Variants in MCPH1 observed in about 807,000 individuals in gnomAD.
MCPH1 encodes microcephalin 1.
In MCPH1, 104 loss-of-function variants were observed where a neutral mutation model predicts 84.5. The ratio of observed to expected loss-of-function variants is 1.23; its 90% CI spans 1.05 to 1.45. The LOEUF (loss-of-function observed/expected upper bound fraction) is 1.45. Among genes scored for constraint, MCPH1 ranks in the 40% most tolerant of loss-of-function variants. MCPH1 has a pLI of 0.00. For missense variants in MCPH1, 1,498 were observed against 1,005.7 expected, an observed-to-expected ratio of 1.49 and a Z score of -6.62; for synonymous variants, 514 against 366.8, an observed-to-expected ratio of 1.40 and a Z score of -4.58.
intron 3 of MCPH1, among the ~76,000 whole-genome samples, chr8:6,426,710 G>T (rs1372482995): frequency 6.6e-6 from 1 of 152,110 alleles, no homozygotes; most frequent in African/African-American, 2.4e-5. Flanking sequence ...GGTGGTTATG[G>T]CACTGTATAT....
At chr8:6,416,823 A>G (rs559368363) in intron 3 of MCPH1, among the ~76,000 whole-genome samples, 1 of 151,854 alleles carries the variant, frequency 6.6e-6, no homozygotes, top group Non-Finnish European at 1.5e-5. Context: ...GTAAAACCCT[A>G]TCTCTATTAA....
intron 12 of MCPH1, chr8:6,508,845 C>T: frequency 6.4e-7 from 1 of 1,552,052 alleles, no homozygotes; most frequent in Non-Finnish European, 8.9e-7. Flanking sequence ...CGTTACAAAT[C>T]ACAATTTGTA....
chr8:6,479,780 T>G (rs1808954981), intron 10 of MCPH1, among the ~76,000 whole-genome samples: 1 of 152,136 alleles, frequency 6.6e-6, no homozygotes, highest in African/African-American at 2.4e-5. Context: ...GAGGGTTGTT[T>G]GGTAAGGAAG....
intron 9 of MCPH1, among the ~76,000 whole-genome samples, chr8:6,456,671 A>G (rs1226190539): frequency 1.4e-4 from 18 of 126,328 alleles, no homozygotes; most frequent in African/African-American, 6.1e-4. Context: ...TTTTTTTTTT[A>G]AGTGCTCAGT....
chr8:6,602,456 G>T (rs1277068476), intron 12 of MCPH1, among the ~76,000 whole-genome samples: 1 of 152,168 alleles, frequency 6.6e-6, no homozygotes, highest in Non-Finnish European at 1.5e-5. Context: ...GGGAAAGCCA[G>T]ACCCCAGCCT....
chr8:6,491,152 A>G (rs1810522532), intron 11 of MCPH1, among the ~76,000 whole-genome samples: 1 of 151,564 alleles, frequency 6.6e-6, no homozygotes, highest in South Asian at 2.1e-4. Context: ...ATAGTGTCAT[A>G]CATTTCTTAA....
chr8:6,496,140 G>C (rs1465331355), intron 11 of MCPH1, among the ~76,000 whole-genome samples: 1 of 152,142 alleles, frequency 6.6e-6, no homozygotes, highest in East Asian at 1.9e-4. Context: ...ATCAGTGGGA[G>C]CCCTGAGCTT....
chr8:6,541,816 C>T (rs2129573980), intron 12 of MCPH1, among the ~76,000 whole-genome samples: 1 of 152,152 alleles, frequency 6.6e-6, no homozygotes, highest in South Asian at 2.1e-4. Context: ...CCAGCCTAGG[C>T]AACATGGCGA....
intron 12 of MCPH1, chr8:6,519,769 G>T (rs1024974015): frequency 6.8e-6 from 10 of 1,476,464 alleles, no homozygotes; most frequent in Admixed American, 3.7e-5. Flanking sequence ...GGCTGGGGAA[G>T]ATCTTTGGGG....
chr8:6,439,146 T>TA (rs764741659), intron 6 of MCPH1, 50 bp downstream of exon 6: 6 of 1,561,850 alleles, frequency 3.8e-6, no homozygotes, highest in Non-Finnish European at 5.3e-6. Flanking sequence ...CCGATTCAAT[T>TA]ATGGTGGAAA....
chr8:6,417,439 C>T (rs967436336), intron 3 of MCPH1, among the ~76,000 whole-genome samples: 2 of 152,284 alleles, frequency 1.3e-5, no homozygotes, highest in African/African-American at 4.8e-5. Flanking sequence ...CAGGTAGTTT[C>T]CCAATCCTTT....
At chr8:6,634,449 C>T (rs1001292277) in intron 13 of MCPH1, among the ~76,000 whole-genome samples, 5 of 152,146 alleles carry the variant, frequency 3.3e-5, no homozygotes, top group Admixed American at 1.3e-4. Context: ...CTACAGCTGA[C>T]GGGACAGCCC....
At position 6,627,467 on chromosome 8, in the gene MCPH1, A is replaced by G. The variant is rs531615489; in HGVS notation, c.2452+5776A>G. ...TTTGTGGAATTCAAAGACACAATTC[A>G]GACAATATGAAGAATTATTTTTCCT... is the stretch of plus-strand genomic sequence containing the variant. On this transcript the variant is annotated intron_variant, in intron 13 of 13. Transcript: ENST00000344683. Among the ~76,000 whole-genome samples, 150 of 152,374 alleles carry G rather than the reference A, an allele frequency of 9.8e-4. 1 individual carries two copies. The highest frequency in any genetic ancestry group is 2.0e-3 in the Admixed American group (30 of 15,310).
Position 6,442,113 on chromosome 8 carries a change from G to A in MCPH1, c.627G>A (p.Leu209=), listed in dbSNP as rs375026958. The A allele has an allele frequency of 1.2e-5, 20 of 1,613,562 alleles. No homozygotes were observed. In the African/African-American group the frequency reaches 2.1e-4, roughly 17 times the overall value. The change falls in exon 7 of 14, where the codon CTG becomes CTA. Residue 209 remains leucine (L), a synonymous_variant. Coordinates refer to ENST00000344683, the MANE Select transcript of MCPH1 (RefSeq NM_024596.5). The stretch of plus-strand genomic sequence containing the variant: ...CTCATGATAATCCAAGTAACTCTCT[G>A]TGTGAAGCACCTTTGAACATTTCAC... ...QQSHDNPSNS[L]CEAPLNISRD...
At chr8:6,526,324 C>T (rs761322170) in intron 12 of MCPH1, among the ~76,000 whole-genome samples, 69 of 145,426 alleles carry the variant, frequency 4.7e-4, no homozygotes, top group Non-Finnish European at 9.0e-4. Context: ...GTCCCAGCTA[C>T]TCAGGAGGCT....
chr8:6,572,255 T>C (rs114529019), intron 12 of MCPH1, among the ~76,000 whole-genome samples: 1,569 of 152,058 alleles, frequency 0.01, 25 homozygotes, highest in African/African-American at 0.036. Flanking sequence ...ACGGAAAAAA[T>C]AATATGCGCT....
intron 8 of MCPH1, among the ~76,000 whole-genome samples, chr8:6,450,908 A>G (rs563992624): frequency 1.3e-5 from 2 of 152,104 alleles, no homozygotes; most frequent in African/African-American, 2.4e-5. Flanking sequence ...ACACTCGGCT[A>G]CGTTCCCCAG....
chr8:6,635,117 C>T (rs147974966), intron 13 of MCPH1: 125 of 152,218 alleles, frequency 8.2e-4, no homozygotes, highest in African/African-American at 2.7e-3. Flanking sequence ...GGATGTCTGA[C>T]CTCCAAAAAA....
rs781352813 is a variant in MCPH1, at chr8:6,445,316, C to A, written c.1594C>A (p.Pro532Thr). ...TGGCTTTTCTTACACCATTGAGGAC[C>A]CTGCTCTTCCAAAAGGACATGATGA... Reference protein sequence around the residue: ...GNGFSYTIEDPALPKGHDDDL... With the variant: ...GNGFSYTIEDTALPKGHDDDL... The change falls in exon 8 of 14, where the codon CCT (proline) becomes ACT (threonine). Residue 532 changes from proline (P) to threonine (T), a missense_variant. Pro to Thr is a conservative substitution (Grantham distance 38). Transcript: ENST00000344683. The A allele has an allele frequency of 3.0e-5, 48 of 1,614,082 alleles. No homozygotes were observed. The Admixed American group carries it at 6.0e-4, about 20-fold the overall frequency.
Sources: allele counts gnomAD v4.1 joint callset (sites outside exome capture counted in the v4.1 genomes callset), GRCh38; gene constraint gnomAD v4.1.1; transcripts MANE v1.5; gene names NCBI Gene and HGNC (gene_info 2026-07-23, HGNC 2026-07-21).